Variants in TBC1D17 observed in about 807,000 individuals in gnomAD.
TBC1D17 encodes TBC1 domain family, member 17.
TBC1D17 carries 69 observed loss-of-function variants against 78.8 expected under a neutral mutation model. The ratio of observed to expected loss-of-function variants is 0.88; its 90% CI spans 0.72 to 1.07. The LOEUF (loss-of-function observed/expected upper bound fraction) is 1.07, where lower values mean the gene tolerates loss of function less well. TBC1D17 is among the 50% of genes least tolerant of loss of function. TBC1D17 has a pLI of 0.00. For synonymous variants in TBC1D17, 456 were observed against 358.3 expected (o/e 1.27, Z -3.08); for missense variants, 957 against 861.0 (o/e 1.11, Z -1.39).
chr19:49,878,660 C>G, intron 3 of TBC1D17, 88 bp downstream of exon 3: 1 of 1,282,040 alleles, frequency 7.8e-7, no homozygotes, highest in East Asian at 2.3e-5. Context: ...GCGTACAATC[C>G]CAGACCTACT....
In TBC1D17 at chr19:49,881,279, A is replaced by G. The variant is rs1271962127; in HGVS notation, c.331A>G (p.Ser111Gly). 10 of 1,612,714 alleles carry G rather than the reference A, an allele frequency of 6.2e-6. 1 individual carries two copies. The Admixed American group carries it at 1.7e-4, about 27-fold the overall frequency. ...HSEPTRGAEP[S>G]CPQGSWAFSV... ...TGCCGTCTCCCTAGGTGCAGAGCCC[A>G]GCTGCCCCCAGGGCTCCTGGGCCTT... The change falls in exon 5 of 17, where the codon AGC (serine) becomes GGC (glycine). Residue 111 changes from serine (S) to glycine (G), a missense_variant. Ser to Gly is a moderately conservative substitution (Grantham distance 56, BLOSUM62 0). Coordinates refer to ENST00000221543, the MANE Select transcript of TBC1D17 (RefSeq NM_024682.3).
chr19:49,888,275 GA>G lies in TBC1D17; in HGVS notation c.1705del (p.Thr569ProfsTer10). 1 of 1,592,920 alleles carries G rather than the reference GA, an allele frequency of 6.3e-7. No individual in the cohort carries two copies. Among genetic ancestry groups the G allele is most frequent in the Non-Finnish European group, 8.5e-7 (1 of 1,170,546 alleles). ...TMKLSVEDVL[T>X]RAEALHRQLT... The stretch of plus-strand genomic sequence containing the variant: ...TGAAGCTGAGCGTGGAGGACGTGCT[GA>G]CCCGCGCCGAGGCCCTGCACCGCCA... On this transcript the variant is annotated frameshift_variant, in exon 16 of 17. Transcript: ENST00000221543. LOFTEE classifies it low-confidence loss of function (END_TRUNC).
chr19:49,887,232 GCGTCCTGCCTC>G, intron 13 of TBC1D17: 1 of 515,192 alleles, frequency 1.9e-6, no homozygotes, highest in Non-Finnish European at 3.5e-6. Flanking sequence ...GGCGTGCTGG[GCGTCCTGCCTC>G]CCTTCCATGT....
In TBC1D17 at chr19:49,881,483, C is replaced by T. The variant is rs1308684915; in HGVS notation, c.527+8C>T. 1.2e-6 allele frequency: 2 copies of T among 1,606,364 alleles called. No individual in the cohort carries two copies. Among genetic ancestry groups the T allele is most frequent in the East Asian group, 4.5e-5 (2 of 44,852 alleles). On this transcript the variant is annotated splice_region_variant and intron_variant, in intron 5 of 16. Coordinates refer to ENST00000221543, the MANE Select transcript of TBC1D17 (RefSeq NM_024682.3). ...CTACCTGCTGTTGGCCAGGTGAGCT[C>T]TCTCCCAGTGCTGGGCCTTAAACCG...
At position 49,884,455 on chromosome 19, in the gene TBC1D17, C is replaced by G. The variant is rs757373487; in HGVS notation, c.1244-4C>G. On this transcript the variant is annotated splice_polypyrimidine_tract_variant and splice_region_variant and intron_variant, in intron 11 of 16. Transcript: ENST00000221543. The stretch of plus-strand genomic sequence containing the variant: ...GGCTGCAGCCTGACCCCATGTCCCC[C>G]CAGGCTACGTCCAGGGCATGAGTGA... 1.9e-6 allele frequency: 3 copies of G among 1,613,972 alleles called. No homozygotes were observed. The highest frequency in any genetic ancestry group is 2.5e-6 in the Non-Finnish European group (3 of 1,179,986).
intron 4 of TBC1D17, 114 bp downstream of exon 4, chr19:49,880,516 T>G (rs755035247): frequency 5.1e-6 from 7 of 1,370,012 alleles, no homozygotes; most frequent in Non-Finnish European, 4.9e-6. Flanking sequence ...AGGCCACCAG[T>G]CACCACCTTC....
At position 49,880,230 on chromosome 19, in the gene TBC1D17, A is replaced by G. The variant is rs1600444517; in HGVS notation, c.196-49A>G. 2.5e-6 allele frequency: 4 copies of G among 1,604,060 alleles called. No homozygotes were observed. In the East Asian group the frequency reaches 9.0e-5, roughly 36 times the overall value. On this transcript the variant is annotated intron_variant, in intron 3 of 16. Coordinates refer to ENST00000221543, the MANE Select transcript of TBC1D17 (RefSeq NM_024682.3). ...TATCTTCCAGGGTAGCCTCGAGGCTAAGATCTGAATCCATGGCCCCTTACT... is the reference window on the plus strand; with the variant it reads ...TATCTTCCAGGGTAGCCTCGAGGCTGAGATCTGAATCCATGGCCCCTTACT...
intron 13 of TBC1D17, 21 bp from the exon 14 acceptor site, chr19:49,887,455 G>A (rs1372241255): frequency 3.7e-6 from 6 of 1,610,838 alleles, no homozygotes; most frequent in Non-Finnish European, 5.1e-6. Flanking sequence ...AAGGCTGAGT[G>A]GGCTCCATGT....
In TBC1D17 at chr19:49,878,130, C is replaced by T. The variant is rs1404238931; in HGVS notation, c.22-13C>T. 4 of 1,565,562 alleles carry T rather than the reference C, an allele frequency of 2.6e-6. No individual in the cohort carries two copies. The highest frequency in any genetic ancestry group is 1.9e-5 in the Admixed American group (1 of 53,288). Reference sequence around the variant, plus strand: ...GCTTGGGCCCCAGCCCTCGCTGGTTCCCCCCAACTCAGGTGGTGTTTGAGA... The same window carrying T: ...GCTTGGGCCCCAGCCCTCGCTGGTTTCCCCCAACTCAGGTGGTGTTTGAGA... On this transcript the variant is annotated splice_polypyrimidine_tract_variant and intron_variant, in intron 1 of 16. Transcript: ENST00000221543.
chr19:49,880,851 T>C (rs1296210322), intron 4 of TBC1D17, among the ~76,000 whole-genome samples: 1 of 152,198 alleles, frequency 6.6e-6, no homozygotes, highest in Non-Finnish European at 1.5e-5. Flanking sequence ...GAGTTTTCTC[T>C]TCTGGCAGAG....
chr19:49,883,020 G>T lies in TBC1D17; in HGVS notation c.975G>T (p.Gly325=), dbSNP rs1250386587. 3 of 1,611,388 alleles carry T rather than the reference G, an allele frequency of 1.9e-6. No individual in the cohort carries two copies. Among genetic ancestry groups the T allele is most frequent in the African/African-American group, 2.7e-5 (2 of 74,890 alleles). Residue 325 remains glycine, a synonymous_variant, in exon 9 of 17, where the codon GGG becomes GGT. Transcript: ENST00000221543. ...LRREAWKFLL[G]YLSWEGTAEE... is the part of the protein sequence containing the mutation. ...GCGAGGCCTGGAAGTTCCTCCTAGGGTACCTCAGCTGGGAAGGCACAGCTG... is the reference window on the plus strand; with the variant it reads ...GCGAGGCCTGGAAGTTCCTCCTAGGTTACCTCAGCTGGGAAGGCACAGCTG...
chr19:49,883,759 G>T lies in TBC1D17; in HGVS notation c.1126+14G>T. The stretch of plus-strand genomic sequence containing the variant: ...GCAGCCTCATCGGTCAGTGTCAGGG[G>T]TGGCACTTAGGGTGGATGGGAGCAG... On this transcript the variant is annotated intron_variant, in intron 10 of 16. Coordinates refer to ENST00000221543, the MANE Select transcript of TBC1D17 (RefSeq NM_024682.3). 2 of 1,610,262 alleles carry T rather than the reference G, an allele frequency of 1.2e-6. No individual in the cohort carries two copies. The highest frequency in any genetic ancestry group is 1.7e-6 in the Non-Finnish European group (2 of 1,176,974).
At chr19:49,886,163 C>G (rs1257727593) in intron 13 of TBC1D17, among the ~76,000 whole-genome samples, 1 of 151,704 alleles carries the variant, frequency 6.6e-6, no homozygotes, top group Admixed American at 6.6e-5. Context: ...ACCTGTAATC[C>G]CAGCTACTCA....
intron 3 of TBC1D17, among the ~76,000 whole-genome samples, chr19:49,879,823 T>C (rs1259519449): frequency 4.0e-5 from 6 of 149,584 alleles, no homozygotes; most frequent in African/African-American, 9.9e-5. Flanking sequence ...TGGGTGACCC[T>C]GAGCAAGTGC....
At chr19:49,881,922 G>T in intron 5 of TBC1D17, 119 bp from the exon 6 acceptor site, 1 of 844,680 alleles carries the variant, frequency 1.2e-6, no homozygotes, top group East Asian at 2.4e-5. Context: ...CCTGAAATGA[G>T]GGGTTGCCCA....
Position 49,878,577 on chromosome 19 carries a change from G to T in TBC1D17, c.195+5G>T. On this transcript the variant is annotated splice_donor_5th_base_variant and intron_variant, in intron 3 of 16. Transcript: ENST00000221543. ...CAAATCCTCTTCTCCAAGAAGGTAGGCTCCACCCGCTTTGCCCTTCTCCAC... is the reference window on the plus strand; with the variant it reads ...CAAATCCTCTTCTCCAAGAAGGTAGTCTCCACCCGCTTTGCCCTTCTCCAC... 6.2e-7 allele frequency: 1 copy of T among 1,613,914 alleles called. No individual in the cohort carries two copies. The highest frequency in any genetic ancestry group is 8.5e-7 in the Non-Finnish European group (1 of 1,179,876).
intron 9 of TBC1D17, 75 bp from the exon 10 acceptor site, chr19:49,883,576 G>T: frequency 7.4e-7 from 1 of 1,357,958 alleles, no homozygotes; most frequent in Non-Finnish European, 1.0e-6. Flanking sequence ...GACCTGGGAG[G>T]TGGCGCCAGG....
At position 49,888,245 on chromosome 19, in the gene TBC1D17, G is replaced by A. The variant is rs1480984676; in HGVS notation, c.1674G>A (p.Leu558=). The part of the protein sequence containing the change: ...SNEILKHINE[L]TMKLSVEDVL... ...CCCTCCCGCAGCACATCAACGAGCT[G>A]ACTATGAAGCTGAGCGTGGAGGACG... Residue 558 remains leucine (L), a synonymous_variant, in exon 16 of 17, where the codon CTG becomes CTA. Coordinates refer to ENST00000221543, the MANE Select transcript of TBC1D17 (RefSeq NM_024682.3). 6 of 1,590,196 alleles carry A rather than the reference G, an allele frequency of 3.8e-6. No homozygotes were observed. Among genetic ancestry groups the A allele is most frequent in the Non-Finnish European group, 4.3e-6 (5 of 1,169,294 alleles).
At chr19:49,882,523 G>T in intron 7 of TBC1D17, 123 bp downstream of exon 7, 3 of 1,428,038 alleles carry the variant, frequency 2.1e-6, no homozygotes, top group African/African-American at 1.4e-5. Context: ...CACCCTCAGG[G>T]GGTGCATGAG....
Sources: gnomAD v4.1 joint callset for allele counts (sites outside exome capture counted in the v4.1 genomes callset) on GRCh38, gnomAD v4.1.1 for gene constraint, MANE v1.5 for transcripts, NCBI Gene and HGNC (gene_info 2026-07-23, HGNC 2026-07-21) for gene names.